TAFA2: variants seen among roughly 807,000 people sequenced by gnomAD.
The protein encoded by TAFA2 is TAFA chemokine like family member 2.
TAFA2 carries 7 observed loss-of-function variants against 18.8 expected under a neutral mutation model. That is an observed-to-expected ratio of 0.37 (90% CI 0.21 to 0.70). The LOEUF (loss-of-function observed/expected upper bound fraction) is 0.70. TAFA2 is among the 30% of genes least tolerant of loss of function. The pLI is 0.53. For synonymous variants in TAFA2, 60 were observed against 54.2 expected, an observed-to-expected ratio of 1.11 and a Z score of -0.47; for missense variants, 122 against 158.1, an observed-to-expected ratio of 0.77 and a Z score of 1.23.
intron 1 of TAFA2, among the ~76,000 whole-genome samples, chr12:61,930,737 C>T (rs1305667518): frequency 2.6e-5 from 4 of 152,204 alleles, no homozygotes; most frequent in African/African-American, 7.2e-5. Context: ...GGCCTTGGAA[C>T]ATATTTTCAG....
chr12:61,881,889 C>T (rs1026750779), intron 1 of TAFA2, among the ~76,000 whole-genome samples: 1 of 151,392 alleles, frequency 6.6e-6, no homozygotes, highest in Non-Finnish European at 1.5e-5. Flanking sequence ...ACTTTCTACT[C>T]ATGGACTGTG....
chr12:62,254,094 G>T (rs1294384869), intron 1 of TAFA2, among the ~76,000 whole-genome samples: 1 of 152,032 alleles, frequency 6.6e-6, no homozygotes, highest in Non-Finnish European at 1.5e-5. Context: ...TCTTTGATAT[G>T]GGTCACTACT....
intron 1 of TAFA2, among the ~76,000 whole-genome samples, chr12:61,885,566 G>T (rs2168456): frequency 0.016 from 2,502 of 152,250 alleles, 67 homozygotes; most frequent in African/African-American, 0.057. Flanking sequence ...TGGACCATCT[G>T]GGGAGCATGT....
rs1322729272 is a variant in TAFA2 at position 62,007,163 on chromosome 12, G to GTCCTATT, written c.-1-139738_-1-139737insAATAGGA. Among the ~76,000 whole-genome samples, 70 of 152,182 alleles carry GTCCTATT rather than the reference G, an allele frequency of 4.6e-4. 1 individual carries two copies. The highest frequency in any genetic ancestry group is 1.3e-3 in the African/African-American group (54 of 41,530). On this transcript the variant is annotated intron_variant, in intron 1 of 4. Transcript: ENST00000416284. The stretch of plus-strand genomic sequence containing the variant: ...GCTTCCTATTCCTGGAGCATGCTGA[G>GTCCTATT]CATGTCATCTCCCAGGGGCTTTTGC...
intron 2 of TAFA2, among the ~76,000 whole-genome samples, chr12:61,806,574 G>A (rs1167014878): frequency 6.6e-6 from 1 of 152,220 alleles, no homozygotes; most frequent in Non-Finnish European, 1.5e-5. Context: ...TTTGGAACTG[G>A]GTAACAGCAC....
intron 1 of TAFA2, among the ~76,000 whole-genome samples, chr12:62,091,788 T>C (rs914541428): frequency 1.3e-5 from 2 of 152,030 alleles, no homozygotes; most frequent in African/African-American, 4.8e-5. Flanking sequence ...ATCACAATAC[T>C]GTTTCATAAC....
At chr12:62,235,052 A>G (rs1325039849) in intron 1 of TAFA2, 3 of 626,100 alleles carry the variant, frequency 4.8e-6, no homozygotes, top group Admixed American at 3.7e-5. Flanking sequence ...CTGGAATTCC[A>G]GTGGAAGCTG....
chr12:62,078,416 GAA>G (rs71450573), intron 1 of TAFA2, among the ~76,000 whole-genome samples: 1 of 143,486 alleles, frequency 7.0e-6, no homozygotes, highest in African/African-American at 2.6e-5. Flanking sequence ...AGTATAATTG[GAA>G]AAAAAAAAAA....
intron 1 of TAFA2, among the ~76,000 whole-genome samples, chr12:62,014,113 C>A (rs973586220): frequency 1.3e-5 from 2 of 152,098 alleles, no homozygotes; most frequent in East Asian, 1.9e-4. Context: ...TATATAAACA[C>A]ACATCAAAAC....
intron 4 of TAFA2, among the ~76,000 whole-genome samples, chr12:61,715,524 T>C (rs1447512325): frequency 6.6e-6 from 1 of 151,854 alleles, no homozygotes; most frequent in East Asian, 1.9e-4. Flanking sequence ...AATTTTTTTG[T>C]ATTTTTTTTA....
intron 1 of TAFA2, among the ~76,000 whole-genome samples, chr12:62,237,886 A>G (rs1056671564): frequency 6.6e-6 from 1 of 152,210 alleles, no homozygotes; most frequent in Non-Finnish European, 1.5e-5. Context: ...GTTCATGCAC[A>G]GAAGACCAAT....
chr12:62,191,744 C>T lies in TAFA2; in HGVS notation c.-487G>A, dbSNP rs2062626352. The T allele has an allele frequency of 6.6e-6, 1 of 152,318 alleles. No homozygotes were observed. Among genetic ancestry groups the T allele is most frequent in the African/African-American group, 2.4e-5 (1 of 41,452 alleles). 9.4% of individuals were successfully genotyped at this position (152,318 alleles called of 1,614,324 possible). A position where few individuals can be genotyped will look rare whatever the true frequency, so the allele number is the denominator to read the frequency against. On this transcript the variant is annotated 5_prime_UTR_variant, in exon 1 of 5. Coordinates refer to ENST00000416284, the MANE Select transcript of TAFA2 (RefSeq NM_178539.5). ...AGGCGGTCTTGCTGCAATTACCGCT[C>T]TTATTCCATCTCTGATTTGTTTGCT... is the stretch of plus-strand genomic sequence containing the variant.
At chr12:62,142,697 G>C (rs772419903) in intron 1 of TAFA2, among the ~76,000 whole-genome samples, 1 of 152,172 alleles carries the variant, frequency 6.6e-6, no homozygotes, top group Non-Finnish European at 1.5e-5. Flanking sequence ...TTTGCTGGAA[G>C]AGGGTATAAA....
At chr12:62,057,813 T>C (rs1882225568) in intron 1 of TAFA2, among the ~76,000 whole-genome samples, 1 of 146,680 alleles carries the variant, frequency 6.8e-6, no homozygotes, top group African/African-American at 2.4e-5. Flanking sequence ...ACCACACTAA[T>C]TAGACATTGT....
At chr12:62,124,009 T>C (rs1023618157) in intron 1 of TAFA2, among the ~76,000 whole-genome samples, 2 of 152,064 alleles carry the variant, frequency 1.3e-5, no homozygotes, top group Non-Finnish European at 2.9e-5. Flanking sequence ...GATGCAACAA[T>C]TTGGAAACAG....
At chr12:61,732,061 G>C (rs1434568116) in intron 4 of TAFA2, among the ~76,000 whole-genome samples, 2 of 152,070 alleles carry the variant, frequency 1.3e-5, no homozygotes, top group African/African-American at 4.8e-5. Flanking sequence ...ATTAAGTCGA[G>C]AGAAAGAGAG....
At chr12:62,195,147 A>G (rs2062643900), upstream of TAFA2, among the ~76,000 whole-genome samples, 1 of 152,326 alleles carries the variant, frequency 6.6e-6, no homozygotes, top group Admixed American at 6.5e-5. Context: ...TTCCTTTCAC[A>G]AAAGATTTCT....
At chr12:62,059,683 A>T (rs1882293523) in intron 1 of TAFA2, among the ~76,000 whole-genome samples, 1 of 152,242 alleles carries the variant, frequency 6.6e-6, no homozygotes, top group Admixed American at 6.5e-5. Flanking sequence ...AGTCAACAGC[A>T]GGAGTCATGA....
chr12:61,866,707 G>A (rs1431070619), intron 2 of TAFA2, among the ~76,000 whole-genome samples: 4 of 152,022 alleles, frequency 2.6e-5, no homozygotes, highest in Non-Finnish European at 5.9e-5. Flanking sequence ...GCTGAATACT[G>A]GGCAGTGTCC....
Sources: gnomAD v4.1 joint callset for allele counts (sites outside exome capture counted in the v4.1 genomes callset) on GRCh38, gnomAD v4.1.1 for gene constraint, MANE v1.5 for transcripts, NCBI Gene and HGNC (gene_info 2026-07-23, HGNC 2026-07-21) for gene names.